KLF1: variants seen among roughly 807,000 people sequenced by gnomAD.
The protein encoded by KLF1 is Krueppel-like factor 1.
KLF1 carries 29 observed loss-of-function variants against 28.0 expected under a neutral mutation model. The ratio of observed to expected loss-of-function variants is 1.04; its 90% CI spans 0.77 to 1.41. KLF1 has a LOEUF of 1.41. KLF1 is among the 40% of genes most tolerant of loss of function. KLF1 has a pLI of 0.00. For synonymous variants in KLF1, 262 were observed against 242.6 expected (o/e 1.08, Z -0.74); for missense variants, 508 against 515.1 (o/e 0.99, Z 0.13).
Position 12,885,368 on chromosome 19 carries a change from T to A in KLF1, c.862A>T (p.Lys288Ter), listed in dbSNP as rs267607202. 1.2e-6 allele frequency: 2 copies of A among 1,605,140 alleles called. No individual in the cohort carries two copies. Among genetic ancestry groups the A allele is most frequent in the Non-Finnish European group, 1.7e-6 (2 of 1,176,350 alleles). Residue 288 changes from lysine (K) to a stop codon, truncating the protein, a stop_gained, in exon 2 of 3, where the codon AAG becomes TAG. Transcript: ENST00000264834. LOFTEE classifies it high-confidence loss of function. The surrounding 1 kb of genome is among the most constrained non-coding windows in gnomAD (Gnocchi z 5.6). The part of the protein sequence containing the change: ...AHTCAHPGCG[K>*]SYTKSSHLKA... ...AGGTGGGAGCTCTTGGTGTAGCTCT[T>A]GCCGCAACCCGGGTGCGCGCACGTG... is the stretch of plus-strand genomic sequence containing the variant.
chr19:12,887,132 T>G lies in KLF1; in HGVS notation c.9A>C (p.Thr3=). MA[T]AETALPSIST... Reference sequence around the variant, plus strand: ...TGATGGAGGGCAAGGCGGTCTCGGCTGTGGCCATGGCTGGCTGGTGCCCAC... The same window carrying G: ...TGATGGAGGGCAAGGCGGTCTCGGCGGTGGCCATGGCTGGCTGGTGCCCAC... Residue 3 remains threonine, a synonymous_variant, in exon 1 of 3, where the codon ACA becomes ACC. Transcript: ENST00000264834. This position sits in a 1 kb window ranked among gnomAD's most constrained non-coding sequence, Gnocchi z 4.7. The G allele has an allele frequency of 6.2e-7, 1 of 1,614,054 alleles. No individual in the cohort carries two copies. The highest frequency in any genetic ancestry group is 8.5e-7 in the Non-Finnish European group (1 of 1,179,978).
chr19:12,885,283 G>A lies in KLF1; in HGVS notation c.913+34C>T, dbSNP rs761273772. ...CCCCTGTAACTACAGCGGGCGCCGC[G>A]CCCTTTCTCATGTCCGGGGCCCCGC... On this transcript the variant is annotated intron_variant, in intron 2 of 2. Transcript: ENST00000264834. The surrounding 1 kb of genome is among the most constrained non-coding windows in gnomAD (Gnocchi z 5.6). The A allele has an allele frequency of 6.5e-7, 1 of 1,532,504 alleles. No individual in the cohort carries two copies. Among genetic ancestry groups the A allele is most frequent in the Non-Finnish European group, 8.8e-7 (1 of 1,130,176 alleles). The allele number at this position is 1,532,504 out of a possible 1,614,324, so 94.9% of individuals were successfully genotyped here. A position where few individuals can be genotyped will look rare whatever the true frequency, so the allele number is the denominator to read the frequency against.
chr19:12,886,990 A>C lies in KLF1; in HGVS notation c.87+64T>G, dbSNP rs528298892. ...AGGTCAAGATGCAGGTCTGGACCCC[A>C]AGATCTGTGACTGTGGCCCTGGATT... On this transcript the variant is annotated intron_variant, in intron 1 of 2. Transcript: ENST00000264834. 4.6e-6 allele frequency: 7 copies of C among 1,525,458 alleles called. 1 individual carries two copies. In the South Asian group the frequency reaches 6.7e-5, roughly 15 times the overall value. The allele number at this position is 1,525,458 out of a possible 1,614,324, so 94.5% of individuals were successfully genotyped here. A position where few individuals can be genotyped will look rare whatever the true frequency, so the allele number is the denominator to read the frequency against.
chr19:12,885,423 A>C lies in KLF1; in HGVS notation c.807T>G (p.Arg269=). The C allele has an allele frequency of 6.2e-7, 1 of 1,606,188 alleles. No individual in the cohort carries two copies. Among genetic ancestry groups the C allele is most frequent in the Non-Finnish European group, 8.5e-7 (1 of 1,176,844 alleles). ...CTGCCTGCCTCTTGCGCGCCCACGA[A>C]CGTCGGCCTCGCTTGGATGGCGCGG... ...AETAPSKRGR[R]SWARKRQAAH... Residue 269 remains arginine (R), a synonymous_variant, in exon 2 of 3, where the codon CGT becomes CGG. Transcript: ENST00000264834. The surrounding 1 kb of genome is among the most constrained non-coding windows in gnomAD (Gnocchi z 5.6).
At position 12,886,112 on chromosome 19, in the gene KLF1, C is replaced by T; in HGVS notation, c.118G>A (p.Gly40Ser). 8 of 1,604,968 alleles carry T rather than the reference C, an allele frequency of 5.0e-6. No individual in the cohort carries two copies. The highest frequency in any genetic ancestry group is 6.8e-6 in the Non-Finnish European group (8 of 1,178,312). ...TCCGTGGGGTCAGGAGGACCCGGGC[C>T]CATGTCCTGCGCCTCTTCGGAGCGC... ...WWRSEEAQDM[G>S]PGPPDPTEPP... The change falls in exon 2 of 3, where the codon GGC (glycine) becomes AGC (serine). Residue 40 changes from glycine (G) to serine (S), a missense_variant. Coordinates refer to ENST00000264834, the MANE Select transcript of KLF1 (RefSeq NM_006563.5).
rs754996390 is a variant in KLF1, at chr19:12,885,343, A to C, written c.887T>G (p.Leu296Arg). 1.3e-6 allele frequency: 2 copies of C among 1,598,810 alleles called. No individual in the cohort carries two copies. The highest frequency in any genetic ancestry group is 1.3e-5 in the African/African-American group (1 of 74,650). ...TGTGTGCGTGCGCAGATGCGCCTTC[A>C]GGTGGGAGCTCTTGGTGTAGCTCTT... ...CGKSYTKSSH[L>R]KAHLRTHTGE... The change falls in exon 2 of 3, where the codon CTG becomes CGG. Residue 296 changes from leucine (L) to arginine (R), a missense_variant. Leu to Arg is a moderately radical substitution (Grantham distance 102). Transcript: ENST00000264834. The surrounding 1 kb of genome is among the most constrained non-coding windows in gnomAD (Gnocchi z 5.6).
Position 12,885,036 on chromosome 19 carries a change from C to A in KLF1, c.938G>T (p.Trp313Leu). 6.2e-7 allele frequency: 1 copy of A among 1,607,892 alleles called. No homozygotes were observed. The highest frequency in any genetic ancestry group is 1.1e-5 in the South Asian group (1 of 91,058). ...CGCGAATCTCCAGCCGCAGCCTTCCCACGTGCAGGCGTATGGCTTCTCCCC... is the reference window on the plus strand; with the variant it reads ...CGCGAATCTCCAGCCGCAGCCTTCCAACGTGCAGGCGTATGGCTTCTCCCC... ...HTGEKPYACT[W>L]EGCGWRFARS... Residue 313 changes from tryptophan (W) to leucine (L), a missense_variant, in exon 3 of 3, where the codon TGG becomes TTG. Trp to Leu is a moderately conservative substitution (Grantham distance 61). Transcript: ENST00000264834. This position sits in a 1 kb window ranked among gnomAD's most constrained non-coding sequence, Gnocchi z 5.6.
In KLF1 at chr19:12,885,671, G is replaced by A; in HGVS notation, c.559C>T (p.Leu187Phe). ...SSGGYFPRTG[L>F]SVPAASGAPY... The stretch of plus-strand genomic sequence containing the variant: ...GCGCCCGACGCCGCAGGCACTGAAA[G>A]CCCGGTCCGCGGGAAGTAGCCACCC... The change falls in exon 2 of 3, where the codon CTT (leucine) becomes TTT (phenylalanine). Residue 187 changes from leucine to phenylalanine, a missense_variant. By Grantham distance (22) the Leu-to-Phe change is conservative (BLOSUM62 0). Coordinates refer to ENST00000264834, the MANE Select transcript of KLF1 (RefSeq NM_006563.5). This position sits in a 1 kb window ranked among gnomAD's most constrained non-coding sequence, Gnocchi z 5.6. 6.5e-7 allele frequency: 1 copy of A among 1,537,598 alleles called. No individual in the cohort carries two copies. The highest frequency in any genetic ancestry group is 8.8e-7 in the Non-Finnish European group (1 of 1,140,482).
rs1181660255 is a variant in KLF1, at chr19:12,885,808, C to G, written c.422G>C (p.Arg141Pro). ...DHSGWVRPAL[R>P]ARAPDAFVGP... ...CACGAAGGCGTCGGGAGCCCGGGCT[C>G]GCAGGGCAGGGCGCACCCAACCCGA... is the stretch of plus-strand genomic sequence containing the variant. Residue 141 changes from arginine to proline, a missense_variant, in exon 2 of 3, where the codon CGA (arginine) becomes CCA (proline). Coordinates refer to ENST00000264834, the MANE Select transcript of KLF1 (RefSeq NM_006563.5). The surrounding 1 kb of genome is among the most constrained non-coding windows in gnomAD (Gnocchi z 5.6). The G allele has an allele frequency of 9.1e-6, 14 of 1,546,022 alleles. No individual in the cohort carries two copies. The highest frequency in any genetic ancestry group is 1.0e-5 in the Non-Finnish European group (12 of 1,145,420).
rs1361755216 is a variant in KLF1, at chr19:12,885,649, C to A, written c.581G>T (p.Gly194Val). Residue 194 changes from glycine (G) to valine (V), a missense_variant, in exon 2 of 3, where the codon GGC becomes GTC. Coordinates refer to ENST00000264834, the MANE Select transcript of KLF1 (RefSeq NM_006563.5). The surrounding 1 kb of genome is among the most constrained non-coding windows in gnomAD (Gnocchi z 5.6). ...CCCGGACAGTAGCCCGTAGGGGGCG[C>A]CCGACGCCGCAGGCACTGAAAGCCC... ...RTGLSVPAAS[G>V]APYGLLSGYP... 1.9e-6 allele frequency: 3 copies of A among 1,543,254 alleles called. No homozygotes were observed. In the African/African-American group the frequency reaches 4.1e-5, roughly 21 times the overall value.
chr19:12,885,882 A>C lies in KLF1; in HGVS notation c.348T>G (p.Tyr116Ter). 6.4e-7 allele frequency: 1 copy of C among 1,552,308 alleles called. No homozygotes were observed. The highest frequency in any genetic ancestry group is 1.9e-5 in the Admixed American group (1 of 51,388). Residue 116 changes from tyrosine (Y) to a stop codon, truncating the protein, a stop_gained, in exon 2 of 3, where the codon TAT (tyrosine) becomes TAG (stop). Coordinates refer to ENST00000264834, the MANE Select transcript of KLF1 (RefSeq NM_006563.5). LOFTEE classifies it high-confidence loss of function. The surrounding 1 kb of genome is among the most constrained non-coding windows in gnomAD (Gnocchi z 5.6). Reference sequence around the variant, plus strand: ...CAGCCACCAGCCCCGGGCCGCCAGCATATGCGCCCAGAGTCTCGGGCGGCG... The same window carrying C: ...CAGCCACCAGCCCCGGGCCGCCAGCCTATGCGCCCAGAGTCTCGGGCGGCG... ...YPPPPETLGA[Y>*]AGGPGLVAGL... is the part of the protein sequence containing the mutation.
At position 12,884,720 on chromosome 19, in the gene KLF1, G is replaced by A. The variant is rs1039023747; in HGVS notation, c.*165C>T. Reference sequence around the variant, plus strand: ...CTCCCCCAGGGCTGTCTATGGGTCCGTGTTTGATATTTGGGTGGATCTTTG... The same window carrying A: ...CTCCCCCAGGGCTGTCTATGGGTCCATGTTTGATATTTGGGTGGATCTTTG... On this transcript the variant is annotated 3_prime_UTR_variant, in exon 3 of 3. Coordinates refer to ENST00000264834, the MANE Select transcript of KLF1 (RefSeq NM_006563.5). The A allele has an allele frequency of 1.3e-5, 10 of 743,708 alleles. No homozygotes were observed. Among genetic ancestry groups the A allele is most frequent in the African/African-American group, 1.0e-4 (6 of 57,510 alleles). 46.1% of individuals were successfully genotyped at this position (743,708 alleles called of 1,614,324 possible).
chr19:12,886,609 CTT>C (rs969979307), intron 1 of KLF1, among the ~76,000 whole-genome samples: 9 of 137,834 alleles, frequency 6.5e-5, no homozygotes, highest in Admixed American at 7.3e-5. Flanking sequence ...GATCTCGTTC[CTT>C]TTTTTTTTTT....
In KLF1 at chr19:12,885,639, G is replaced by A. The variant is rs1297604452; in HGVS notation, c.591C>T (p.Tyr197=). The part of the protein sequence containing the change: ...LSVPAASGAP[Y]GLLSGYPAMY... The stretch of plus-strand genomic sequence containing the variant: ...TCGCGGGGTACCCGGACAGTAGCCC[G>A]TAGGGGGCGCCCGACGCCGCAGGCA... The change falls in exon 2 of 3, where the codon TAC becomes TAT. Residue 197 remains tyrosine, a synonymous_variant. Transcript: ENST00000264834. This position sits in a 1 kb window ranked among gnomAD's most constrained non-coding sequence, Gnocchi z 5.6. The A allele has an allele frequency of 6.5e-7, 1 of 1,545,324 alleles. No individual in the cohort carries two copies.
rs910981426 is a variant in KLF1 at position 12,884,501 on chromosome 19, C to T, written c.*384G>A. The T allele has an allele frequency of 3.2e-5, 8 of 247,636 alleles. No individual in the cohort carries two copies. The highest frequency in any genetic ancestry group is 9.0e-5 in the African/African-American group (4 of 44,284). The allele number at this position is 247,636 out of a possible 1,614,324, so 15.3% of individuals were successfully genotyped here. ...GCCACAATAAGGGACCTTCAGGAGC[C>T]GCTTTCTAGACCCAGGGTCTCTGGG... On this transcript the variant is annotated 3_prime_UTR_variant, in exon 3 of 3. Transcript: ENST00000264834.
chr19:12,885,372 G>T lies in KLF1; in HGVS notation c.858C>A (p.Cys286Ter), dbSNP rs778506653. Residue 286 changes from cysteine (C) to a stop codon, truncating the protein, a stop_gained, in exon 2 of 3, where the codon TGC (cysteine) becomes TGA (stop). Coordinates refer to ENST00000264834, the MANE Select transcript of KLF1 (RefSeq NM_006563.5). LOFTEE classifies it high-confidence loss of function. The surrounding 1 kb of genome is among the most constrained non-coding windows in gnomAD (Gnocchi z 5.6). Reference sequence around the variant, plus strand: ...GGGAGCTCTTGGTGTAGCTCTTGCCGCAACCCGGGTGCGCGCACGTGTGCG... The same window carrying T: ...GGGAGCTCTTGGTGTAGCTCTTGCCTCAACCCGGGTGCGCGCACGTGTGCG... ...QAAHTCAHPG[C>*]GKSYTKSSHL... The T allele has an allele frequency of 6.2e-7, 1 of 1,604,746 alleles. No homozygotes were observed. Among genetic ancestry groups the T allele is most frequent in the South Asian group, 1.1e-5 (1 of 89,710 alleles).
chr19:12,886,946 G>T (rs1970456109), intron 1 of KLF1, 108 bp downstream of exon 1: 2 of 1,142,104 alleles, frequency 1.8e-6, no homozygotes, highest in Admixed American at 3.4e-5. Flanking sequence ...CCTCAGTCCT[G>T]GTTAAGTCTC....
intron 1 of KLF1, among the ~76,000 whole-genome samples, chr19:12,886,807 A>C (rs1051523082): frequency 6.6e-5 from 10 of 151,822 alleles, no homozygotes; most frequent in African/African-American, 2.4e-4. Flanking sequence ...ATAGGGTTTC[A>C]CCATGTTGCC....
chr19:12,887,057 G>C lies in KLF1; in HGVS notation c.84C>G (p.Leu28=), dbSNP rs371571179. Residue 28 remains leucine, a synonymous_variant, in exon 1 of 3, where the codon CTC becomes CTG. Coordinates refer to ENST00000264834, the MANE Select transcript of KLF1 (RefSeq NM_006563.5). The surrounding 1 kb of genome is among the most constrained non-coding windows in gnomAD (Gnocchi z 4.7). ...GACCCCACCTTCTAGGCCCCACCTTGAGGAAGTCATCCTGTGTGTCCGGGA... is the reference window on the plus strand; with the variant it reads ...GACCCCACCTTCTAGGCCCCACCTTCAGGAAGTCATCCTGTGTGTCCGGGA... ...GPFPDTQDDF[L]KWWRSEEAQD... is the part of the protein sequence containing the mutation. The C allele has an allele frequency of 6.2e-7, 1 of 1,613,964 alleles. No individual in the cohort carries two copies. The highest frequency in any genetic ancestry group is 8.5e-7 in the Non-Finnish European group (1 of 1,179,998).
Sources: gnomAD v4.1 joint callset for allele counts (sites outside exome capture counted in the v4.1 genomes callset) on GRCh38, gnomAD v4.1.1 for gene constraint, Gnocchi (gnomAD v3.1) non-coding constraint, MANE v1.5 for transcripts, NCBI Gene and HGNC (gene_info 2026-07-23, HGNC 2026-07-21) for gene names.